Variants in ARHGAP42 observed in about 807,000 individuals in gnomAD.
ARHGAP42 encodes the protein Rho GTPase activating protein 42.
Under a neutral mutation model 125.0 loss-of-function variants are expected in ARHGAP42, and 63 were observed. The observed-to-expected ratio is 0.50, with a 90% CI of 0.41 to 0.62. ARHGAP42 has a LOEUF of 0.62. Among genes scored for constraint, ARHGAP42 ranks in the 20% least tolerant of loss-of-function variants. The probability of loss-of-function intolerance (pLI) is 0.00; values close to 1 mark genes in which losing one functional copy is unlikely to be tolerated. For synonymous variants in ARHGAP42, 339 were observed against 351.0 expected, an observed-to-expected ratio of 0.97 and a Z score of 0.38; for missense variants, 766 against 1,024.2, an observed-to-expected ratio of 0.75 and a Z score of 3.44.
At chr11:100,712,510 T>G (rs1226894506) in intron 1 of ARHGAP42, among the ~76,000 whole-genome samples, 1 of 152,124 alleles carries the variant, frequency 6.6e-6, no homozygotes, top group Non-Finnish European at 1.5e-5. Context: ...ATTAAAGATA[T>G]TTTTCTTCCT....
At position 100,740,424 on chromosome 11, in the gene ARHGAP42, G is replaced by T. The variant is rs147425645; in HGVS notation, c.155-29919G>T. On this transcript the variant is annotated intron_variant, in intron 1 of 23. Transcript: ENST00000298815. ...TTCTTTTATATGTAGAAAATTGAGA[G>T]TGCAAAACAGGTTAACTAATTTGCT... 6.9e-3 allele frequency among the ~76,000 whole-genome samples: 1,049 copies of T among 152,302 alleles called. 18 individuals carry two copies. Among genetic ancestry groups the T allele is most frequent in the African/African-American group, 0.024 (988 of 41,560 alleles).
intron 6 of ARHGAP42, 39 bp from the exon 7 acceptor site, chr11:100,933,117 A>G: frequency 7.3e-7 from 1 of 1,365,778 alleles, no homozygotes; most frequent in Non-Finnish European, 1.0e-6. Context: ...GATCATTAAA[A>G]CACATTTTCA....
At chr11:100,955,803 T>C (rs1484516628) in intron 12 of ARHGAP42, among the ~76,000 whole-genome samples, 2 of 32,942 alleles carry the variant, frequency 6.1e-5, no homozygotes, top group African/African-American at 2.4e-4. Context: ...CCGGGTGTTT[T>C]TGATTTTTTG....
intron 16 of ARHGAP42, among the ~76,000 whole-genome samples, chr11:100,963,115 C>T (rs1256030725): frequency 2.0e-5 from 3 of 152,144 alleles, no homozygotes; most frequent in Non-Finnish European, 2.9e-5. Context: ...TACGTACAGA[C>T]GATTATGTCC....
intron 8 of ARHGAP42, among the ~76,000 whole-genome samples, chr11:100,939,319 T>C (rs761204916): frequency 1.3e-5 from 2 of 152,158 alleles, no homozygotes; most frequent in Non-Finnish European, 2.9e-5. Context: ...AGAGATGTCA[T>C]ATGTAAAATG....
chr11:100,955,000 G>A (rs1857766863), intron 12 of ARHGAP42, among the ~76,000 whole-genome samples: 1 of 152,146 alleles, frequency 6.6e-6, no homozygotes, highest in African/African-American at 2.4e-5. Flanking sequence ...CCCTGAGAAT[G>A]TACTGTAAGG....
At chr11:100,840,958 G>A (rs527309716) in intron 3 of ARHGAP42, among the ~76,000 whole-genome samples, 1 of 152,226 alleles carries the variant, frequency 6.6e-6, no homozygotes, top group Admixed American at 6.5e-5. Flanking sequence ...TCCTAGAAAG[G>A]ATATTAGCTA....
At chr11:100,866,653 A>G (rs755131715) in intron 4 of ARHGAP42, among the ~76,000 whole-genome samples, 1 of 152,132 alleles carries the variant, frequency 6.6e-6, no homozygotes, top group Non-Finnish European at 1.5e-5. Flanking sequence ...GAGAGAGAAC[A>G]AAAGGGGAAG....
At chr11:100,964,949 G>C (rs890557687) in intron 16 of ARHGAP42, among the ~76,000 whole-genome samples, 1 of 152,090 alleles carries the variant, frequency 6.6e-6, no homozygotes, top group African/African-American at 2.4e-5. Flanking sequence ...AAATATCCAA[G>C]ACTCAGTAAT....
intron 3 of ARHGAP42, among the ~76,000 whole-genome samples, chr11:100,806,208 C>T (rs1446838328): frequency 2.0e-5 from 3 of 152,154 alleles, no homozygotes; most frequent in Non-Finnish European, 4.4e-5. Context: ...TTAAGTCTTT[C>T]CCCCATTCTT....
At chr11:100,916,905 A>G (rs927223030) in intron 5 of ARHGAP42, among the ~76,000 whole-genome samples, 7 of 152,150 alleles carry the variant, frequency 4.6e-5, no homozygotes, top group Non-Finnish European at 8.8e-5. Flanking sequence ...TAAAAGTTTT[A>G]TTTGGAGAAT....
At chr11:100,721,271 CT>C (rs1477049701) in intron 1 of ARHGAP42, among the ~76,000 whole-genome samples, 1 of 152,094 alleles carries the variant, frequency 6.6e-6, no homozygotes, top group African/African-American at 2.4e-5. Context: ...CTCTCCCGTG[CT>C]TTTCTCACCT....
In ARHGAP42 at chr11:100,933,169, T is replaced by C; in HGVS notation, c.611T>C (p.Leu204Pro). The change falls in exon 7 of 24, where the codon CTT (leucine) becomes CCT (proline). Residue 204 changes from leucine (L) to proline (P), a missense_variant. Leu to Pro is a moderately conservative substitution (Grantham distance 98). Around this residue, in one of 3 missense-constraint regions of ARHGAP42, gnomAD observed 455 missense variants for 636.5 expected, o/e 0.71. Coordinates refer to ENST00000298815, the MANE Select transcript of ARHGAP42 (RefSeq NM_152432.4). ...FEFVEPLLSF[L>P]QGLFTFYHEG... ...TTATCTTTGCAGCTTTTGTCATTTC[T>C]TCAGGGCTTATTTACTTTTTACCAT... The C allele has an allele frequency of 6.5e-7, 1 of 1,549,298 alleles. No individual in the cohort carries two copies. The highest frequency in any genetic ancestry group is 8.7e-7 in the Non-Finnish European group (1 of 1,146,366).
intron 3 of ARHGAP42, among the ~76,000 whole-genome samples, chr11:100,828,849 G>A (rs892617187): frequency 2.0e-5 from 3 of 151,872 alleles, no homozygotes; most frequent in Non-Finnish European, 4.4e-5. Context: ...CACCATGCTC[G>A]GCCTACCTTA....
intron 5 of ARHGAP42, among the ~76,000 whole-genome samples, chr11:100,914,353 T>G (rs965378924): frequency 6.6e-6 from 1 of 152,210 alleles, no homozygotes; most frequent in African/African-American, 2.4e-5. Flanking sequence ...CTGAAATATA[T>G]TTTATTCTTC....
At chr11:100,757,003 G>T (rs915092627) in intron 1 of ARHGAP42, among the ~76,000 whole-genome samples, 2 of 152,140 alleles carry the variant, frequency 1.3e-5, no homozygotes, top group African/African-American at 4.8e-5. Flanking sequence ...AACATAAGAT[G>T]CATATCTTCT....
At chr11:100,887,437 C>T (rs1277668600) in intron 4 of ARHGAP42, among the ~76,000 whole-genome samples, 1 of 152,166 alleles carries the variant, frequency 6.6e-6, no homozygotes, top group African/African-American at 2.4e-5. Context: ...CTCTCATAAC[C>T]CTTATCTAAA....
chr11:100,891,589 C>T (rs1392104529), intron 4 of ARHGAP42, among the ~76,000 whole-genome samples: 1 of 151,846 alleles, frequency 6.6e-6, no homozygotes, highest in South Asian at 2.1e-4. Flanking sequence ...ATTACAGGTG[C>T]ACACCACCAC....
At chr11:100,872,030 A>C (rs1342486986) in intron 4 of ARHGAP42, among the ~76,000 whole-genome samples, 1 of 152,206 alleles carries the variant, frequency 6.6e-6, no homozygotes, top group East Asian at 1.9e-4. Context: ...GGCGTGAGCC[A>C]CTGCACCCAG....
Sources: allele counts gnomAD v4.1 joint callset (sites outside exome capture counted in the v4.1 genomes callset), GRCh38; gene constraint gnomAD v4.1.1; regional missense constraint gnomAD v4.1.1; transcripts MANE v1.5; gene names NCBI Gene and HGNC (gene_info 2026-07-23, HGNC 2026-07-21).